Variants in LARGE1 observed in about 807,000 individuals in gnomAD.
LARGE1 encodes xylosyl- and glucuronyltransferase LARGE1.
LARGE1 carries 43 observed loss-of-function variants against 87.6 expected under a neutral mutation model. That is an observed-to-expected ratio of 0.49 (90% CI 0.38 to 0.63). The LOEUF (loss-of-function observed/expected upper bound fraction) is 0.63. LARGE1 is among the 30% of genes least tolerant of loss of function. The pLI, the probability that LARGE1 is intolerant of heterozygous loss-of-function variation, is 0.00. For synonymous variants in LARGE1, 434 were observed against 394.6 expected (o/e 1.10, Z -1.18); for missense variants, 802 against 1,000.2 (o/e 0.80, Z 2.67).
At chr22:33,259,209 G>A (rs1358810496) in intron 11 of LARGE1, among the ~76,000 whole-genome samples, 1 of 151,974 alleles carries the variant, frequency 6.6e-6, no homozygotes, top group Admixed American at 6.6e-5. Flanking sequence ...AATGCTGAAG[G>A]GTTTATCTGA....
chr22:33,661,040 T>A (rs998315573), intron 2 of LARGE1, among the ~76,000 whole-genome samples: 2 of 152,178 alleles, frequency 1.3e-5, no homozygotes, highest in African/African-American at 4.8e-5. Flanking sequence ...AAAATCTTGT[T>A]CAAATCAGAA....
intron 5 of LARGE1, among the ~76,000 whole-genome samples, chr22:33,568,996 TC>T (rs2078114723): frequency 1.3e-5 from 2 of 152,078 alleles, no homozygotes; most frequent in Non-Finnish European, 1.5e-5. Flanking sequence ...TTGTGTTCTT[TC>T]CCCAAACTAC....
At chr22:33,413,918 C>T (rs563765615) in intron 7 of LARGE1, among the ~76,000 whole-genome samples, 19 of 152,274 alleles carry the variant, frequency 1.2e-4, no homozygotes, top group Non-Finnish European at 2.2e-4. Flanking sequence ...GAATACACCA[C>T]ATTTTCTTTA....
rs534464232 is a variant in LARGE1, at chr22:33,892,615, T to A, written c.-83+27380A>T. ...TACAAAATGATCATCTGGCTCTGAATAAATGAACAAATGAATGAATGAAAG... is the reference window on the plus strand; with the variant it reads ...TACAAAATGATCATCTGGCTCTGAAAAAATGAACAAATGAATGAATGAAAG... On this transcript the variant is annotated intron_variant, in intron 1 of 14. Coordinates refer to ENST00000397394, the MANE Select transcript of LARGE1 (RefSeq NM_133642.5). Among the ~76,000 whole-genome samples the A allele has an allele frequency of 3.3e-5, 5 of 152,290 alleles. No homozygotes were observed. The South Asian group carries it at 1.0e-3, about 32-fold the overall frequency.
chr22:33,081,498 T>C, the LARGE1 span, among the ~76,000 whole-genome samples: 2 of 152,084 alleles, frequency 1.3e-5, no homozygotes, highest in African/African-American at 4.8e-5. Flanking sequence ...GTAGCTGGAA[T>C]ACAGTGATGA....
At chr22:33,522,661 T>C (rs191052805) in intron 6 of LARGE1, among the ~76,000 whole-genome samples, 107 of 152,082 alleles carry the variant, frequency 7.0e-4, no homozygotes, top group African/African-American at 2.4e-3. Flanking sequence ...TGAAACCCCA[T>C]CTGTACTAAA....
At chr22:33,518,830 T>G (rs2071430560) in intron 6 of LARGE1, among the ~76,000 whole-genome samples, 1 of 152,092 alleles carries the variant, frequency 6.6e-6, no homozygotes, top group Non-Finnish European at 1.5e-5. Flanking sequence ...CGTGGGGGTT[T>G]AAGTGTTAAT....
chr22:33,794,029 G>A (rs1250547060), intron 1 of LARGE1, among the ~76,000 whole-genome samples: 1 of 152,012 alleles, frequency 6.6e-6, no homozygotes, highest in Non-Finnish European at 1.5e-5. Context: ...TAATGTTGAG[G>A]GGAAAACAGG....
intron 7 of LARGE1, among the ~76,000 whole-genome samples, chr22:33,387,864 T>C (rs1023579902): frequency 3.3e-5 from 5 of 152,154 alleles, no homozygotes; most frequent in Non-Finnish European, 7.4e-5. Flanking sequence ...CTAGATATAA[T>C]GGTTGTTATA....
chr22:33,832,886 A>G (rs1486356418), intron 1 of LARGE1, among the ~76,000 whole-genome samples: 2 of 152,246 alleles, frequency 1.3e-5, no homozygotes, highest in African/African-American at 4.8e-5. Flanking sequence ...TTATTAGACG[A>G]CTGTTGTTGG....
rs11704017 is a variant in LARGE1, at chr22:33,519,469, G to A, written c.787+45379C>T. ...AAGGGGGCACTGTTACCTCTAAAAC[G>A]CATCTCAGGCCACAGGTCCCCATAA... On this transcript the variant is annotated intron_variant, in intron 6 of 14. Transcript: ENST00000397394. Among the ~76,000 whole-genome samples, 1,177 of 152,106 alleles carry A rather than the reference G, an allele frequency of 7.7e-3. 11 individuals carry two copies. The highest frequency in any genetic ancestry group is 0.021 in the East Asian group (107 of 5,178).
upstream of LARGE1, among the ~76,000 whole-genome samples, chr22:33,920,813 G>GGCGGCCGCT (rs1274797929): frequency 4.1e-5 from 6 of 144,626 alleles, no homozygotes; most frequent in Admixed American, 1.4e-4. Flanking sequence ...CTCGGAGCTG[G>GGCGGCCGCT]GCGGCCGCTG....
chr22:33,107,190 TA>T, the LARGE1 span, among the ~76,000 whole-genome samples: 4 of 152,334 alleles, frequency 2.6e-5, no homozygotes, highest in South Asian at 8.3e-4. Flanking sequence ...TTCAAACATT[TA>T]AAAAACATTT....
intron 1 of LARGE1, among the ~76,000 whole-genome samples, chr22:33,908,119 A>T (rs1473537087): frequency 6.6e-6 from 1 of 152,196 alleles, no homozygotes; most frequent in African/African-American, 2.4e-5. Flanking sequence ...TCGAGGTTTC[A>T]TCAGAAAGGG....
intron 6 of LARGE1, among the ~76,000 whole-genome samples, chr22:33,513,155 A>T (rs1173902391): frequency 6.6e-6 from 1 of 152,186 alleles, no homozygotes; most frequent in Non-Finnish European, 1.5e-5. Context: ...TGAGGAATGT[A>T]AAAGAAAGGC....
intron 11 of LARGE1, among the ~76,000 whole-genome samples, chr22:33,312,763 C>T (rs1020997016): frequency 5.3e-5 from 8 of 152,126 alleles, no homozygotes; most frequent in Non-Finnish European, 1.0e-4. Context: ...AGTTAGCTCA[C>T]GGGAGGGGAC....
rs757121901 is a variant in LARGE1, at chr22:33,532,869, G to C, written c.787+31979C>G. Reference sequence around the variant, plus strand: ...CCTGCTCATCGATGATGTCCAGTTAGTCGTTTACTTGAAATGGCCACTGAG... The same window carrying C: ...CCTGCTCATCGATGATGTCCAGTTACTCGTTTACTTGAAATGGCCACTGAG... On this transcript the variant is annotated intron_variant, in intron 6 of 14. Transcript: ENST00000397394. Among the ~76,000 whole-genome samples, 23 of 152,198 alleles carry C rather than the reference G, an allele frequency of 1.5e-4. 1 individual carries two copies. The highest frequency in any genetic ancestry group is 2.9e-4 in the Non-Finnish European group (20 of 68,034).
intron 1 of LARGE1, among the ~76,000 whole-genome samples, chr22:33,919,214 T>G (rs140568975): frequency 2.0e-5 from 3 of 152,150 alleles, no homozygotes; most frequent in Non-Finnish European, 4.4e-5. Context: ...AAAATCAGAT[T>G]GTTCTGGGGG....
rs761359069 is a variant in LARGE1, at chr22:33,274,656, G to A, written c.2074-32C>T. Reference sequence around the variant, plus strand: ...GAAGACAAGAGCAGCGTGAGAACCCGCAAGAGCCGAGGGTCATGCATGATG... The same window carrying A: ...GAAGACAAGAGCAGCGTGAGAACCCACAAGAGCCGAGGGTCATGCATGATG... On this transcript the variant is annotated intron_variant, in intron 14 of 14. Transcript: ENST00000397394. 1.8e-5 allele frequency: 28 copies of A among 1,596,262 alleles called. No homozygotes were observed. The Admixed American group carries it at 1.8e-4, about 10-fold the overall frequency.
Sources: gnomAD v4.1 joint callset for allele counts (sites outside exome capture counted in the v4.1 genomes callset) on GRCh38, gnomAD v4.1.1 for gene constraint, MANE v1.5 for transcripts, NCBI Gene and HGNC (gene_info 2026-07-23, HGNC 2026-07-21) for gene names.